The following MUC22 variants were observed in gnomAD, a reference collection of about 807,000 sequenced individuals.
MUC22 encodes mucin-22.
In MUC22, 24 loss-of-function variants were observed where a neutral mutation model predicts 40.3. That is an observed-to-expected ratio of 0.60 (90% CI 0.43 to 0.84). MUC22 has a LOEUF of 0.84. MUC22 is among the 40% of genes least tolerant of loss of function. The pLI is 0.00. For missense variants in MUC22, 1,926 were observed against 2,130.7 expected (o/e 0.90, Z 1.89); for synonymous variants, 765 against 844.5 (o/e 0.91, Z 1.63).
chr6:31,020,426 C>T (rs1241902659), intron 1 of MUC22, among the ~76,000 whole-genome samples: 1 of 147,918 alleles, frequency 6.8e-6, no homozygotes, highest in African/African-American at 2.5e-5. Context: ...GAAGACCTTG[C>T]CTCCTGGAAA....
chr6:31,018,557 G>A (rs1265698276), intron 1 of MUC22, among the ~76,000 whole-genome samples: 1 of 152,176 alleles, frequency 6.6e-6, no homozygotes, highest in Non-Finnish European at 1.5e-5. Context: ...TCTCTCCATC[G>A]TTTGTCCTTG....
At chr6:31,020,910 C>T (rs1764661030) in intron 1 of MUC22, among the ~76,000 whole-genome samples, 1 of 152,226 alleles carries the variant, frequency 6.6e-6, no homozygotes, top group Non-Finnish European at 1.5e-5. Flanking sequence ...CAGTGCCGGC[C>T]CACTGGCGCT....
chr6:31,018,169 T>C (rs2150755968), intron 1 of MUC22, among the ~76,000 whole-genome samples: 1 of 152,346 alleles, frequency 6.6e-6, no homozygotes, highest in South Asian at 2.1e-4. Flanking sequence ...CAGCAGTGCC[T>C]GGGATTACTG....
exon 2 of MUC22, chr6:31,029,789 C>A (rs1765897439): frequency 6.8e-7 from 1 of 1,475,708 alleles, no homozygotes; most frequent in African/African-American, 1.4e-5. Context: ...ACTGCAGGCT[C>A]TGAGACCACC....
At chr6:31,021,042 A>C (rs1254806139) in intron 1 of MUC22, among the ~76,000 whole-genome samples, 1 of 152,018 alleles carries the variant, frequency 6.6e-6, no homozygotes, top group African/African-American at 2.4e-5. Context: ...AGCCTCCCCG[A>C]TGAGCGCCGC....
intron 1 of MUC22, among the ~76,000 whole-genome samples, chr6:31,023,712 A>G (rs1765053240): frequency 6.6e-6 from 1 of 152,228 alleles, no homozygotes; most frequent in Non-Finnish European, 1.5e-5. Flanking sequence ...AATAGGGTAA[A>G]CAATAGGATA....
intron 3 of MUC22, among the ~76,000 whole-genome samples, chr6:31,033,330 A>AAG (rs972763316): frequency 6.6e-6 from 1 of 152,012 alleles, no homozygotes; most frequent in Non-Finnish European, 1.5e-5. Context: ...GAAGGAAAGA[A>AAG]AGAGAGAGAG....
In MUC22 at chr6:31,034,666, T is replaced by C; in HGVS notation, c.5056-6T>C. 6.5e-7 allele frequency: 1 copy of C among 1,528,808 alleles called. No homozygotes were observed. The highest frequency in any genetic ancestry group is 8.8e-7 in the Non-Finnish European group (1 of 1,142,686). 94.7% of individuals were successfully genotyped at this position (1,528,808 alleles called of 1,614,324 possible). The stretch of plus-strand genomic sequence containing the variant: ...ATTTATCAATGTATTTATTTTTTTC[T>C]TTTAGAGAAACCTTTTCTTCCCCCT... On this transcript the variant is annotated splice_polypyrimidine_tract_variant and splice_region_variant and intron_variant, in intron 3 of 3. Coordinates refer to ENST00000561890, the Ensembl canonical transcript of MUC22.
chr6:31,024,416 CTT>C lies in MUC22; in HGVS notation c.71-1084_71-1083del, dbSNP rs564198048. Among the ~76,000 whole-genome samples the C allele has an allele frequency of 7.6e-4, 114 of 150,792 alleles. No individual in the cohort carries two copies. The South Asian group carries it at 0.021, about 28-fold the overall frequency. On this transcript the variant is annotated intron_variant, in intron 1 of 3. Transcript: ENST00000561890. ...TGAGACAGATTCAGGGAAAAGGGTT[CTT>C]TGTGTTATACTTGTTACAAAAGAAT... is the stretch of plus-strand genomic sequence containing the variant.
intron 1 of MUC22, among the ~76,000 whole-genome samples, chr6:31,022,586 GATA>G (rs1764945880): frequency 6.6e-6 from 1 of 151,978 alleles, no homozygotes; most frequent in East Asian, 1.9e-4. Flanking sequence ...AATTTTAAAA[GATA>G]ATATACTTGA....
At chr6:31,008,293 A>G (rs138778412), upstream of MUC22, among the ~76,000 whole-genome samples, 1 of 152,234 alleles carries the variant, frequency 6.6e-6, no homozygotes, top group Non-Finnish European at 1.5e-5. Flanking sequence ...ACTGTGTCTC[A>G]GAGTCGTTGG....
Position 31,011,971 on chromosome 6 carries a change from C to T in MUC22, c.70+1195C>T, listed in dbSNP as rs1199817463. Among the ~76,000 whole-genome samples the T allele has an allele frequency of 6.6e-6, 1 of 152,174 alleles. No individual in the cohort carries two copies. The highest frequency in any genetic ancestry group is 1.5e-5 in the Non-Finnish European group (1 of 68,038). ...CGGAGTTCGGCCACTGAGGGGTTGG[C>T]TCTGACATTGGATCAGCAATGGCTG... On this transcript the variant is annotated intron_variant, in intron 1 of 3. Coordinates refer to ENST00000561890, the Ensembl canonical transcript of MUC22. This position sits in a 1 kb window ranked among gnomAD's most constrained non-coding sequence, Gnocchi z 4.5.
Position 31,032,113 on chromosome 6 carries a change from C to A in MUC22, c.4670-83C>A. Reference sequence around the variant, plus strand: ...ACCTCCACCATAGGTTTGTTAGATTCACCCTCCTCTGGTCTAAGCACCCCC... The same window carrying A: ...ACCTCCACCATAGGTTTGTTAGATTAACCCTCCTCTGGTCTAAGCACCCCC... On this transcript the variant is annotated intron_variant, in intron 2 of 3. Coordinates refer to ENST00000561890, the Ensembl canonical transcript of MUC22. The surrounding 1 kb of genome is among the most constrained non-coding windows in gnomAD (Gnocchi z 4.1). 7.1e-7 allele frequency: 1 copy of A among 1,414,614 alleles called. No individual in the cohort carries two copies. The highest frequency in any genetic ancestry group is 9.3e-7 in the Non-Finnish European group (1 of 1,070,590). The allele number at this position is 1,414,614 out of a possible 1,614,324, so 87.6% of individuals were successfully genotyped here. A position where few individuals can be genotyped will look rare whatever the true frequency, so the allele number is the denominator to read the frequency against.
intron 1 of MUC22, among the ~76,000 whole-genome samples, chr6:31,016,888 C>A (rs951538485): frequency 6.6e-6 from 1 of 152,220 alleles, no homozygotes; most frequent in Non-Finnish European, 1.5e-5. Context: ...ACACTCTGAG[C>A]CTCGGGCTGG....
At chr6:31,029,805 C>T (rs1292888434) in exon 2 of MUC22, 1 of 1,475,588 alleles carries the variant, frequency 6.8e-7, no homozygotes, top group African/African-American at 1.4e-5. Context: ...CCACCACAGC[C>T]TCCACTTCAG....
At chr6:31,015,800 T>C (rs1168094656) in intron 1 of MUC22, among the ~76,000 whole-genome samples, 3 of 152,236 alleles carry the variant, frequency 2.0e-5, no homozygotes, top group Non-Finnish European at 4.4e-5. Context: ...ATGGATTCTT[T>C]CATTGTGTTA....
At chr6:31,026,228 ACAC>A in exon 2 of MUC22, 1 of 1,529,596 alleles carries the variant, frequency 6.5e-7, no homozygotes, top group Non-Finnish European at 8.8e-7. Context: ...GCAGGCTCTA[ACAC>A]CACCACAGCC....
At chr6:31,027,491 C>T in exon 2 of MUC22, 1 of 1,531,392 alleles carries the variant, frequency 6.5e-7, no homozygotes, top group Non-Finnish European at 8.7e-7. Flanking sequence ...GAGACCACTA[C>T]AGCCTCTACT....
At chr6:31,013,836 C>T (rs1459879588) in intron 1 of MUC22, among the ~76,000 whole-genome samples, 1 of 152,134 alleles carries the variant, frequency 6.6e-6, no homozygotes, top group African/African-American at 2.4e-5. Flanking sequence ...GCCATAAATT[C>T]TCTTACTACC....
Sources: gnomAD v4.1 joint callset for allele counts (sites outside exome capture counted in the v4.1 genomes callset) on GRCh38, gnomAD v4.1.1 for gene constraint, Gnocchi (gnomAD v3.1) non-coding constraint, MANE v1.5 for transcripts, NCBI Gene and HGNC (gene_info 2026-07-23, HGNC 2026-07-21) for gene names.